Variants in COL14A1 observed in about 807,000 individuals in gnomAD.
COL14A1 encodes the protein collagen alpha-1(XIV) chain.
In COL14A1, 136 loss-of-function variants were observed where a neutral mutation model predicts 230.3. That is an observed-to-expected ratio of 0.59 (90% confidence interval 0.51 to 0.68). The LOEUF is 0.68. Among genes scored for constraint, COL14A1 ranks in the 30% least tolerant of loss-of-function variants. The pLI is 0.00. For synonymous variants in COL14A1, 792 were observed against 784.1 expected, an observed-to-expected ratio of 1.01 and a Z score of -0.17; for missense variants, 1,976 against 2,215.8, an observed-to-expected ratio of 0.89 and a Z score of 2.17.
chr8:120,243,099 A>G (rs1586797686), intron 19 of COL14A1, among the ~76,000 whole-genome samples: 1 of 152,174 alleles, frequency 6.6e-6, no homozygotes, highest in East Asian at 1.9e-4. Flanking sequence ...GCACAGACAG[A>G]AAGTTTTGTG....
At chr8:120,222,059 G>C (rs6988293) in intron 14 of COL14A1, among the ~76,000 whole-genome samples, 2 of 151,944 alleles carry the variant, frequency 1.3e-5, no homozygotes, top group Non-Finnish European at 2.9e-5. Context: ...TAAGAGCATA[G>C]GATTTAGAGC....
At chr8:120,264,258 G>T (rs1819439076) in intron 24 of COL14A1, among the ~76,000 whole-genome samples, 1 of 152,116 alleles carries the variant, frequency 6.6e-6, no homozygotes, top group African/African-American at 2.4e-5. Context: ...ATATGTTTTT[G>T]TGGTTTATCC....
intron 12 of COL14A1, among the ~76,000 whole-genome samples, chr8:120,211,898 G>A (rs1817625251): frequency 1.3e-5 from 2 of 152,198 alleles, no homozygotes; most frequent in Non-Finnish European, 2.9e-5. Context: ...CAAGTTGGGT[G>A]TCAAGGTGAG....
chr8:120,179,111 TG>T (rs1261772672), intron 5 of COL14A1, among the ~76,000 whole-genome samples: 1 of 152,204 alleles, frequency 6.6e-6, no homozygotes, highest in Non-Finnish European at 1.5e-5. Flanking sequence ...TGGCTTTTGT[TG>T]CCATTGCTTT....
chr8:120,265,273 A>G (rs1819469229), intron 24 of COL14A1, among the ~76,000 whole-genome samples: 1 of 152,016 alleles, frequency 6.6e-6, no homozygotes, highest in Non-Finnish European at 1.5e-5. Context: ...GACTTAGGAG[A>G]TGCCTTGATT....
intron 25 of COL14A1, among the ~76,000 whole-genome samples, chr8:120,267,400 T>C (rs1819530668): frequency 6.6e-6 from 1 of 151,998 alleles, no homozygotes; most frequent in African/African-American, 2.4e-5. Flanking sequence ...GCTCTTATAG[T>C]AGGCATGGGA....
intron 1 of COL14A1, among the ~76,000 whole-genome samples, chr8:120,144,401 C>T (rs907291065): frequency 3.3e-5 from 5 of 152,066 alleles, no homozygotes; most frequent in Non-Finnish European, 4.4e-5. Flanking sequence ...TAGATTAATG[C>T]TAGACATATC....
At chr8:120,222,856 A>G (rs1324164100) in intron 14 of COL14A1, among the ~76,000 whole-genome samples, 2 of 152,222 alleles carry the variant, frequency 1.3e-5, no homozygotes, top group Non-Finnish European at 2.9e-5. Context: ...CAGGAGATAG[A>G]CAATAAACAT....
At chr8:120,269,966 G>A (rs1819609806) in intron 25 of COL14A1, 69 bp from the exon 26 acceptor site, 5 of 1,524,718 alleles carry the variant, frequency 3.3e-6, no homozygotes, top group Middle Eastern at 3.5e-4. Context: ...ACCATTATTT[G>A]TCTTATTGGT....
chr8:120,258,263 C>T (rs1486974449), intron 23 of COL14A1, among the ~76,000 whole-genome samples: 4 of 152,300 alleles, frequency 2.6e-5, no homozygotes, highest in African/African-American at 9.6e-5. Context: ...CAACCAGGCT[C>T]AGTGAGTCAG....
chr8:120,286,223 T>G, intron 33 of COL14A1, among the ~76,000 whole-genome samples: 1 of 151,406 alleles, frequency 6.6e-6, no homozygotes, highest in Non-Finnish European at 1.5e-5. Context: ...TGAGGAAAAA[T>G]GTAGTTAAGG....
intron 14 of COL14A1, among the ~76,000 whole-genome samples, chr8:120,221,380 A>G (rs1402440631): frequency 6.6e-6 from 1 of 152,198 alleles, no homozygotes; most frequent in African/African-American, 2.4e-5. Context: ...CTACCAGCAA[A>G]ATCAGTTCTG....
chr8:120,314,149 T>C (rs757803481), intron 38 of COL14A1, 122 bp downstream of exon 38: 1 of 663,804 alleles, frequency 1.5e-6, no homozygotes. Context: ...AAAGCAATGA[T>C]GGAGTGTCAT....
intron 40 of COL14A1, among the ~76,000 whole-genome samples, chr8:120,321,368 C>T (rs1436542091): frequency 6.6e-6 from 1 of 152,074 alleles, no homozygotes; most frequent in African/African-American, 2.4e-5. Flanking sequence ...GGGCCAGGCA[C>T]GGTGGCTCAC....
intron 45 of COL14A1, among the ~76,000 whole-genome samples, chr8:120,358,572 C>T (rs183763033): frequency 2.9e-4 from 44 of 151,764 alleles, no homozygotes; most frequent in Non-Finnish European, 4.4e-4. Flanking sequence ...ACAATGTAAG[C>T]ATTTCCTTTC....
At chr8:120,334,736 A>G (rs1211390052) in intron 42 of COL14A1, among the ~76,000 whole-genome samples, 2 of 152,178 alleles carry the variant, frequency 1.3e-5, no homozygotes, top group African/African-American at 2.4e-5. Context: ...GCTTCCCAGA[A>G]TGTGCTCCTG....
At chr8:120,284,464 T>C (rs1820135128) in intron 32 of COL14A1, among the ~76,000 whole-genome samples, 1 of 152,214 alleles carries the variant, frequency 6.6e-6, no homozygotes, top group South Asian at 2.1e-4. Context: ...ACTTTTTGGT[T>C]AATATCACTG....
Position 120,297,513 on chromosome 8 carries a change from C to G in COL14A1, c.4239C>G (p.Phe1413Leu). Residue 1413 changes from phenylalanine (F) to leucine (L), a missense_variant and splice_region_variant, in exon 35 of 48, where the codon TTC (phenylalanine) becomes TTG (leucine). By Grantham distance (22) the Phe-to-Leu change is conservative. Coordinates refer to ENST00000297848, the MANE Select transcript of COL14A1 (RefSeq NM_021110.4). Reference sequence around the variant, plus strand: ...ACAATTTTCTTTTTAAATCATAGTTCCAGTTACAGATGTTTGATATTGTTT... The same window carrying G: ...ACAATTTTCTTTTTAAATCATAGTTGCAGTTACAGATGTTTGATATTGTTT... The part of the protein sequence containing the change: ...SRGPGGNSAP[F>L]QLQMFDIVCS... The G allele has an allele frequency of 7.0e-7, 1 of 1,438,250 alleles. No homozygotes were observed. The allele number at this position is 1,438,250 out of a possible 1,614,324, so 89.1% of individuals were successfully genotyped here. A position where few individuals can be genotyped will look rare whatever the true frequency, so the allele number is the denominator to read the frequency against.
Position 120,280,709 on chromosome 8 carries a change from A to G in COL14A1, c.3647-2A>G. 3 of 1,613,188 alleles carry G rather than the reference A, an allele frequency of 1.9e-6. No homozygotes were observed. Among genetic ancestry groups the G allele is most frequent in the Non-Finnish European group, 2.5e-6 (3 of 1,179,630 alleles). On this transcript the variant is annotated splice_acceptor_variant, in intron 29 of 47. Coordinates refer to ENST00000297848, the MANE Select transcript of COL14A1 (RefSeq NM_021110.4). LOFTEE classifies it high-confidence loss of function. ...TTTTATTTTGTTTGTTTGGTTTTCC[A>G]GCCTGTCCAGTGGTACACAAGGATG... is the stretch of plus-strand genomic sequence containing the variant.
Sources: gnomAD v4.1 joint callset for allele counts (sites outside exome capture counted in the v4.1 genomes callset) on GRCh38, gnomAD v4.1.1 for gene constraint, MANE v1.5 for transcripts, NCBI Gene and HGNC (gene_info 2026-07-23, HGNC 2026-07-21) for gene names.